The following SLC5A10 variants were observed in gnomAD, a reference collection of about 807,000 sequenced individuals.
The protein encoded by SLC5A10 is solute carrier family 5 member 10.
SLC5A10 carries 55 observed loss-of-function variants against 68.9 expected under a neutral mutation model. That is an observed-to-expected ratio of 0.80 (90% CI 0.64 to 1.00). The LOEUF is 1.00. Ranked by LOEUF, SLC5A10 falls within the 50% of genes least tolerant of loss-of-function variation. The pLI, the probability that SLC5A10 is intolerant of heterozygous loss-of-function variation, is 0.00. For synonymous variants in SLC5A10, 344 were observed against 344.8 expected (o/e 1.00, Z 0.02); for missense variants, 732 against 819.3 (o/e 0.89, Z 1.30).
Position 18,972,322 on chromosome 17 carries a change from GCAGCCA to G in SLC5A10, c.846+1111_846+1116del, listed in dbSNP as rs567423249. Reference sequence around the variant, plus strand: ...CCCCAGGGGTCCACCATAGGACAAGGCAGCCACAGCCAGCCTCTGTGGAATGAACGA... The same window carrying G: ...CCCCAGGGGTCCACCATAGGACAAGGCAGCCAGCCTCTGTGGAATGAACGA... On this transcript the variant is annotated intron_variant, in intron 8 of 14. Coordinates refer to ENST00000395645, the MANE Select transcript of SLC5A10 (RefSeq NM_001042450.4). Among the ~76,000 whole-genome samples the G allele has an allele frequency of 8.5e-5, 13 of 152,308 alleles. No individual in the cohort carries two copies. In the East Asian group the frequency reaches 2.5e-3, roughly 29 times the overall value.
chr17:19,011,978 G>A (rs1194637462), intron 9 of SLC5A10, among the ~76,000 whole-genome samples: 2 of 152,002 alleles, frequency 1.3e-5, no homozygotes, highest in African/African-American at 4.8e-5. Flanking sequence ...AATGCCAGCC[G>A]CCCCTGCTGC....
intron 9 of SLC5A10, among the ~76,000 whole-genome samples, chr17:18,997,635 C>T (rs1240056827): frequency 6.6e-6 from 1 of 152,230 alleles, no homozygotes; most frequent in Non-Finnish European, 1.5e-5. Context: ...TGCCCAAGGT[C>T]ACAAAGCACA....
Position 18,978,090 on chromosome 17 carries a change from C to T in SLC5A10, c.982+1101C>T, listed in dbSNP as rs200309310. 2.9e-3 allele frequency: 4,405 copies of T among 1,516,522 alleles called. 11 individuals are homozygous for T. The highest frequency in any genetic ancestry group is 3.7e-3 in the Non-Finnish European group (4,157 of 1,135,948). The allele number at this position is 1,516,522 out of a possible 1,614,324, so 93.9% of individuals were successfully genotyped here. On this transcript the variant is annotated intron_variant, in intron 9 of 14. Coordinates refer to ENST00000395645, the MANE Select transcript of SLC5A10 (RefSeq NM_001042450.4). The stretch of plus-strand genomic sequence containing the variant: ...GCTTCCTCTTTGGGGAGCTCCAGGA[C>T]CCAGCCAATATCACTGCTGTCCCGG...
intron 5 of SLC5A10, among the ~76,000 whole-genome samples, chr17:18,962,194 T>C (rs1418571900): frequency 1.3e-5 from 2 of 151,864 alleles, no homozygotes; most frequent in African/African-American, 2.4e-5. Flanking sequence ...GCTCGCACTG[T>C]GGTGAGAAAT....
At chr17:18,953,295 G>A (rs2042413735) in intron 1 of SLC5A10, among the ~76,000 whole-genome samples, 1 of 152,054 alleles carries the variant, frequency 6.6e-6, no homozygotes, top group Non-Finnish European at 1.5e-5. Flanking sequence ...ACCACACCCA[G>A]GTAATGTTTT....
chr17:18,986,356 T>C (rs2043268517), intron 9 of SLC5A10: 1 of 152,238 alleles, frequency 6.6e-6, no homozygotes, highest in South Asian at 2.1e-4. Flanking sequence ...TATTTGTAGT[T>C]GTTTATTATT....
At chr17:18,999,983 AG>A (rs1387389813) in intron 9 of SLC5A10, among the ~76,000 whole-genome samples, 6 of 152,356 alleles carry the variant, frequency 3.9e-5, no homozygotes, top group Middle Eastern at 3.4e-3. Context: ...GCAACCAGCT[AG>A]AACATCTACA....
chr17:18,992,672 G>C (rs2043458647), intron 9 of SLC5A10, among the ~76,000 whole-genome samples: 1 of 152,214 alleles, frequency 6.6e-6, no homozygotes, highest in South Asian at 2.1e-4. Flanking sequence ...GCTGGGCTTT[G>C]GGTGAGCCAC....
intron 9 of SLC5A10, chr17:18,979,319 C>T: frequency 3.4e-6 from 2 of 591,448 alleles, no homozygotes; most frequent in Non-Finnish European, 5.8e-6. Flanking sequence ...GGCCACACCC[C>T]ACCTCCAGGC....
rs567577104 is a variant in SLC5A10 at position 18,971,419 on chromosome 17, C to T, written c.846+201C>T. 3 of 1,613,868 alleles carry T rather than the reference C, an allele frequency of 1.9e-6. No homozygotes were observed. Among genetic ancestry groups the T allele is most frequent in the East Asian group, 4.5e-5 (2 of 44,888 alleles). On this transcript the variant is annotated intron_variant, in intron 8 of 14. Transcript: ENST00000395645. The surrounding 1 kb of genome is among the most constrained non-coding windows in gnomAD (Gnocchi z 5.5). ...TCCGTTTAGAATCCGATGAGGCCCA[C>T]TGGCTACCGCCCGTCCTGGCCTTTA... is the stretch of plus-strand genomic sequence containing the variant.
chr17:19,013,889 CTAAGAAATGGATGGAA>C (rs1340650644), intron 10 of SLC5A10, among the ~76,000 whole-genome samples: 2 of 152,094 alleles, frequency 1.3e-5, no homozygotes, highest in Non-Finnish European at 2.9e-5. Flanking sequence ...AGTTCCCTCT[CTAAGAAATGGATGGAA>C]TAAGCTCCAA....
At chr17:19,001,810 G>C (rs536188466) in intron 9 of SLC5A10, among the ~76,000 whole-genome samples, 1 of 152,208 alleles carries the variant, frequency 6.6e-6, no homozygotes. Context: ...CGGGGGATCT[G>C]TCTGTCTGCA....
At chr17:19,005,650 C>G (rs181979951) in intron 9 of SLC5A10, among the ~76,000 whole-genome samples, 7 of 151,928 alleles carry the variant, frequency 4.6e-5, no homozygotes, top group East Asian at 1.9e-4. Flanking sequence ...CCCTCAAACC[C>G]CCCCCCTCCA....
chr17:19,005,656 C>CCA (rs2043866311), intron 9 of SLC5A10, among the ~76,000 whole-genome samples: 1 of 151,960 alleles, frequency 6.6e-6, no homozygotes, highest in South Asian at 2.1e-4. Flanking sequence ...AACCCCCCCC[C>CCA]TCCAAGGCCT....
At chr17:18,961,688 A>G (rs1344461883) in intron 5 of SLC5A10, among the ~76,000 whole-genome samples, 1 of 152,190 alleles carries the variant, frequency 6.6e-6, no homozygotes, top group Non-Finnish European at 1.5e-5. Context: ...CTGGTCAGCC[A>G]GGAGCTGTGG....
chr17:18,956,467 T>G (rs1316508968), intron 1 of SLC5A10, among the ~76,000 whole-genome samples: 1 of 93,956 alleles, frequency 1.1e-5, no homozygotes, highest in African/African-American at 6.8e-5. Context: ...TTCTTTCTGT[T>G]TTTTTTTTTT....
intron 8 of SLC5A10, among the ~76,000 whole-genome samples, chr17:18,973,152 C>T (rs545733276): frequency 2.0e-5 from 3 of 152,218 alleles, no homozygotes; most frequent in Non-Finnish European, 4.4e-5. Flanking sequence ...GCACAGTAGG[C>T]AAGTGGTACC....
chr17:18,972,382 G>A (rs1234453636), intron 8 of SLC5A10, among the ~76,000 whole-genome samples: 3 of 152,156 alleles, frequency 2.0e-5, no homozygotes, highest in Non-Finnish European at 4.4e-5. Context: ...CCTTTCCCAC[G>A]TGGCCTACCC....
intron 4 of SLC5A10, 149 bp downstream of exon 4, chr17:18,959,812 A>G: frequency 1.5e-6 from 1 of 670,442 alleles, no homozygotes; most frequent in Admixed American, 2.2e-5. Flanking sequence ...ATTTCTATCA[A>G]CCTGCTAAGG....
Sources: gnomAD v4.1 joint callset for allele counts (sites outside exome capture counted in the v4.1 genomes callset) on GRCh38, gnomAD v4.1.1 for gene constraint, Gnocchi (gnomAD v3.1) non-coding constraint, MANE v1.5 for transcripts, NCBI Gene and HGNC (gene_info 2026-07-23, HGNC 2026-07-21) for gene names.